The following CLMP variants were observed in gnomAD, a reference collection of about 807,000 sequenced individuals.
CLMP encodes CXADR like cell adhesion molecule.
In CLMP, 27 loss-of-function variants were observed where a neutral mutation model predicts 45.2. The ratio of observed to expected loss-of-function variants is 0.60; its 90% CI spans 0.44 to 0.82. The LOEUF (loss-of-function observed/expected upper bound fraction) is 0.82. CLMP is among the 40% of genes least tolerant of loss of function. CLMP has a pLI of 0.00. For synonymous variants in CLMP, 167 were observed against 171.4 expected (o/e 0.97, Z 0.20); for missense variants, 403 against 448.4 (o/e 0.90, Z 0.91).
At chr11:123,080,561 A>G (rs973235505) in intron 5 of CLMP, among the ~76,000 whole-genome samples, 49 of 152,186 alleles carry the variant, frequency 3.2e-4, no homozygotes, top group African/African-American at 1.2e-3. Flanking sequence ...TCCCAACTTC[A>G]AGTGATCTGC....
At chr11:123,112,985 G>A (rs935843614) in intron 1 of CLMP, among the ~76,000 whole-genome samples, 6 of 151,792 alleles carry the variant, frequency 4.0e-5, no homozygotes, top group Admixed American at 2.0e-4. Flanking sequence ...GTGTTAGGCA[G>A]GATGGTCTCG....
chr11:123,089,901 A>G (rs958091741), intron 2 of CLMP, among the ~76,000 whole-genome samples: 2 of 151,538 alleles, frequency 1.3e-5, no homozygotes, highest in Admixed American at 1.3e-4. Context: ...GGAGTTCGAG[A>G]CCAGCTTGAC....
At chr11:123,154,094 G>A (rs1166345779) in intron 1 of CLMP, among the ~76,000 whole-genome samples, 2 of 152,120 alleles carry the variant, frequency 1.3e-5, no homozygotes, top group African/African-American at 4.8e-5. Context: ...GCCAATAAAT[G>A]AGGTTGATGG....
At chr11:123,156,805 G>A (rs1321317623) in intron 1 of CLMP, among the ~76,000 whole-genome samples, 2 of 152,198 alleles carry the variant, frequency 1.3e-5, no homozygotes, top group East Asian at 3.9e-4. Context: ...GCTTTGCTAA[G>A]CTTCCCCAGC....
chr11:123,191,121 A>G (rs927748481), intron 1 of CLMP, among the ~76,000 whole-genome samples: 2 of 152,218 alleles, frequency 1.3e-5, no homozygotes, highest in African/African-American at 4.8e-5. Flanking sequence ...TTTTCATCAG[A>G]TTCTACAAAG....
chr11:123,160,511 A>G lies in CLMP; in HGVS notation c.28+34402T>C, dbSNP rs75362811. On this transcript the variant is annotated intron_variant, in intron 1 of 6. Coordinates refer to ENST00000448775, the MANE Select transcript of CLMP (RefSeq NM_024769.5). ...ATCAGAGTGCAGCAGATATGCAACG[A>G]GAAACTTGGGAAAGGAGCTGAATTA... Among the ~76,000 whole-genome samples, 670 of 152,276 alleles carry G rather than the reference A, an allele frequency of 4.4e-3. 12 individuals carry two copies. In the East Asian group the frequency reaches 0.051, roughly 12 times the overall value.
At chr11:123,145,751 A>G (rs1861230059) in intron 1 of CLMP, among the ~76,000 whole-genome samples, 1 of 152,204 alleles carries the variant, frequency 6.6e-6, no homozygotes, top group South Asian at 2.1e-4. Flanking sequence ...GGCGTGAGCC[A>G]CTGTGCCCGG....
chr11:123,169,091 G>T (rs1861596092), intron 1 of CLMP, among the ~76,000 whole-genome samples: 1 of 152,140 alleles, frequency 6.6e-6, no homozygotes, highest in African/African-American at 2.4e-5. Flanking sequence ...TGAGGTGTCA[G>T]GTCCCTGCTG....
At chr11:123,140,242 G>C (rs532006253) in intron 1 of CLMP, among the ~76,000 whole-genome samples, 9 of 152,274 alleles carry the variant, frequency 5.9e-5, no homozygotes, top group African/African-American at 1.9e-4. Flanking sequence ...GGTGAAAATA[G>C]TACTAGGGTT....
At position 123,071,803 on chromosome 11, in the gene CLMP, C is replaced by G. The variant is rs1865675133; in HGVS notation, c.*1671G>C. 6.6e-6 allele frequency: 1 copy of G among 152,190 alleles called. No individual in the cohort carries two copies. The highest frequency in any genetic ancestry group is 2.1e-4 in the South Asian group (1 of 4,832). The allele number at this position is 152,190 out of a possible 1,614,324, so 9.4% of individuals were successfully genotyped here. On this transcript the variant is annotated 3_prime_UTR_variant, in exon 7 of 7. Transcript: ENST00000448775. ...GGGTCCTTGAAGAGCTGATTCAGGT[C>G]CAGCATTTGTGCTGTAGGTATCAAG...
At chr11:123,073,820 T>C (rs1237993082) in intron 6 of CLMP, 46 bp from the exon 7 acceptor site, 1 of 1,522,436 alleles carries the variant, frequency 6.6e-7, no homozygotes, top group African/African-American at 1.4e-5. Context: ...GATCTGTGAT[T>C]GCTTCCAGTA....
intron 1 of CLMP, among the ~76,000 whole-genome samples, chr11:123,185,280 G>A (rs887371551): frequency 4.6e-5 from 7 of 152,078 alleles, no homozygotes; most frequent in African/African-American, 7.2e-5. Flanking sequence ...AGAGGAAAAG[G>A]GGCAATACAT....
intron 1 of CLMP, among the ~76,000 whole-genome samples, chr11:123,178,717 C>A (rs953181716): frequency 1.3e-5 from 2 of 152,132 alleles, no homozygotes; most frequent in Non-Finnish European, 2.9e-5. Flanking sequence ...AATGAAAGGA[C>A]TCTCTCTATT....
intron 1 of CLMP, among the ~76,000 whole-genome samples, chr11:123,157,789 C>T (rs938423193): frequency 9.4e-5 from 14 of 149,476 alleles, no homozygotes; most frequent in South Asian, 2.1e-4. Flanking sequence ...CCTGGGTTCA[C>T]GGCGTGTAAG....
At position 123,084,682 on chromosome 11, in the gene CLMP, T is replaced by C; in HGVS notation, c.218A>G (p.Asn73Ser). 1.2e-6 allele frequency: 2 copies of C among 1,614,194 alleles called. No individual in the cohort carries two copies. Among genetic ancestry groups the C allele is most frequent in the Non-Finnish European group, 1.7e-6 (2 of 1,180,026 alleles). ...VITYSSRHVYNNLTEEQKGRV... is the reference protein window; with the variant it reads ...VITYSSRHVYSNLTEEQKGRV... The stretch of plus-strand genomic sequence containing the variant: ...GCCCTTCTGTTCCTCAGTCAAGTTA[T>C]TGTAGACATGACGACTGGAGTAAGT... The change falls in exon 3 of 7, where the codon AAT becomes AGT. Residue 73 changes from asparagine to serine, a missense_variant. By Grantham distance (46) the Asn-to-Ser change is conservative (BLOSUM62 1). Transcript: ENST00000448775.
chr11:123,100,076 A>G (rs1197656587), intron 1 of CLMP, among the ~76,000 whole-genome samples: 1 of 151,830 alleles, frequency 6.6e-6, no homozygotes, highest in Non-Finnish European at 1.5e-5. Context: ...AAAGGATTCA[A>G]AAGCGAAGAC....
intron 1 of CLMP, among the ~76,000 whole-genome samples, chr11:123,109,648 G>A (rs1335441772): frequency 6.6e-6 from 1 of 152,180 alleles, no homozygotes; most frequent in South Asian, 2.1e-4. Context: ...CTGACCCAAA[G>A]CAAGAAGAAA....
rs993538113 is a variant in CLMP at position 123,070,516 on chromosome 11, A to G, written c.*2958T>C. ...GCATTCTGGTAACTAACATGTTTAA[A>G]AATCTAAGGCTCTTTTTCATGCAAA... On this transcript the variant is annotated 3_prime_UTR_variant, in exon 7 of 7. Coordinates refer to ENST00000448775, the MANE Select transcript of CLMP (RefSeq NM_024769.5). 1 of 152,232 alleles carries G rather than the reference A, an allele frequency of 6.6e-6. No individual in the cohort carries two copies. Among genetic ancestry groups the G allele is most frequent in the Non-Finnish European group, 1.5e-5 (1 of 68,038 alleles). 9.4% of individuals were successfully genotyped at this position (152,232 alleles called of 1,614,324 possible). A position where few individuals can be genotyped will look rare whatever the true frequency, so the allele number is the denominator to read the frequency against.
At chr11:123,162,168 A>T (rs1861495965) in intron 1 of CLMP, among the ~76,000 whole-genome samples, 1 of 152,222 alleles carries the variant, frequency 6.6e-6, no homozygotes, top group South Asian at 2.1e-4. Context: ...CTCATTTTAG[A>T]GTTGAACAGG....
Sources: allele counts gnomAD v4.1 joint callset (sites outside exome capture counted in the v4.1 genomes callset), GRCh38; gene constraint gnomAD v4.1.1; transcripts MANE v1.5; gene names NCBI Gene and HGNC (gene_info 2026-07-23, HGNC 2026-07-21).